Variants in CCDC148 observed in about 807,000 individuals in gnomAD.
The protein encoded by CCDC148 is coiled-coil domain-containing protein 148.
Under a neutral mutation model 85.7 loss-of-function variants are expected in CCDC148, and 89 were observed. That is an observed-to-expected ratio of 1.04 (90% CI 0.87 to 1.24). The LOEUF is 1.24. Ranked by LOEUF, CCDC148 falls within the 50% of genes most tolerant of loss-of-function variation. The pLI, the probability that CCDC148 is intolerant of heterozygous loss-of-function variation, is 0.00. For missense variants in CCDC148, 692 were observed against 671.7 expected, an observed-to-expected ratio of 1.03 and a Z score of -0.33; for synonymous variants, 230 against 213.9, an observed-to-expected ratio of 1.08 and a Z score of -0.66.
intron 11 of CCDC148, among the ~76,000 whole-genome samples, chr2:158,209,457 T>G (rs1686436271): frequency 6.6e-6 from 1 of 152,214 alleles, no homozygotes; most frequent in Non-Finnish European, 1.5e-5. Flanking sequence ...TGCCTCCATA[T>G]CACTCACAAA....
intron 10 of CCDC148, among the ~76,000 whole-genome samples, chr2:158,229,155 TC>T: frequency 6.6e-6 from 1 of 152,174 alleles, no homozygotes; most frequent in East Asian, 1.9e-4. Flanking sequence ...CTAGGGAACT[TC>T]CTCTTCCTCC....
chr2:158,191,373 C>A (rs1159634744), intron 11 of CCDC148, among the ~76,000 whole-genome samples: 1 of 151,866 alleles, frequency 6.6e-6, no homozygotes, highest in Non-Finnish European at 1.5e-5. Context: ...AGAAGTAAAC[C>A]TTGATTTTCT....
intron 1 of CCDC148, among the ~76,000 whole-genome samples, chr2:158,389,129 T>C (rs1320286908): frequency 6.6e-6 from 1 of 152,146 alleles, no homozygotes; most frequent in African/African-American, 2.4e-5. Flanking sequence ...TCCTTAAAAA[T>C]TACGTTTGAA....
chr2:158,284,689 T>A (rs950732582), intron 9 of CCDC148, among the ~76,000 whole-genome samples: 1 of 152,210 alleles, frequency 6.6e-6, no homozygotes, highest in East Asian at 1.9e-4. Context: ...AGCATGTTCA[T>A]TGGAAGAGGC....
intron 1 of CCDC148, among the ~76,000 whole-genome samples, chr2:158,371,692 G>A (rs536377660): frequency 4.4e-4 from 65 of 146,742 alleles, no homozygotes; most frequent in African/African-American, 1.2e-3. Context: ...ATATACACAC[G>A]TGCCTTTAAT....
rs1469704640 is a variant in CCDC148, at chr2:158,227,619, G to A, written c.1252-6906C>T. 2.2e-4 allele frequency among the ~76,000 whole-genome samples: 33 copies of A among 152,126 alleles called. No homozygotes were observed. In the Middle Eastern group the frequency reaches 0.014, roughly 63 times the overall value. Reference sequence around the variant, plus strand: ...GGTACCAAAACAGAGATATAGATCAGTGGAACAGAACAGAGCCCTCAGAAA... The same window carrying A: ...GGTACCAAAACAGAGATATAGATCAATGGAACAGAACAGAGCCCTCAGAAA... On this transcript the variant is annotated intron_variant, in intron 10 of 13. Transcript: ENST00000283233.
chr2:158,366,570 A>G (rs1004381467), intron 1 of CCDC148, among the ~76,000 whole-genome samples: 4 of 152,182 alleles, frequency 2.6e-5, no homozygotes, highest in Non-Finnish European at 5.9e-5. Context: ...AGCTGCAGAG[A>G]AGAGCCTCGT....
intron 11 of CCDC148, among the ~76,000 whole-genome samples, chr2:158,196,043 C>A (rs1040988913): frequency 3.3e-5 from 5 of 152,146 alleles, no homozygotes; most frequent in African/African-American, 1.2e-4. Context: ...TGCCTGTAAA[C>A]CCCAGTCATA....
chr2:158,395,608 C>T (rs1685488783), intron 1 of CCDC148, among the ~76,000 whole-genome samples: 1 of 152,084 alleles, frequency 6.6e-6, no homozygotes, highest in Non-Finnish European at 1.5e-5. Flanking sequence ...GAAAGTCATG[C>T]TGAACAACAT....
chr2:158,308,975 T>C (rs1691832698), intron 9 of CCDC148, among the ~76,000 whole-genome samples: 1 of 152,204 alleles, frequency 6.6e-6, no homozygotes, highest in African/African-American at 2.4e-5. Context: ...AACACTTCGC[T>C]GAGGACTCAC....
chr2:158,360,159 A>T (rs191340834), intron 1 of CCDC148, among the ~76,000 whole-genome samples: 52 of 152,314 alleles, frequency 3.4e-4, no homozygotes, highest in Non-Finnish European at 5.7e-4. Flanking sequence ...TCTCTGAACA[A>T]TAGGCAGCAG....
intron 1 of CCDC148, among the ~76,000 whole-genome samples, chr2:158,396,465 A>G (rs571120696): frequency 6.6e-6 from 1 of 152,032 alleles, no homozygotes; most frequent in African/African-American, 2.4e-5. Context: ...CTGTCCACCA[A>G]CTTTCACTTC....
At chr2:158,206,330 C>T (rs1469751693) in intron 11 of CCDC148, among the ~76,000 whole-genome samples, 1 of 152,126 alleles carries the variant, frequency 6.6e-6, no homozygotes, top group Admixed American at 6.5e-5. Context: ...CACAGACAGG[C>T]AGCTCCCACT....
At chr2:158,291,029 T>C (rs902214076) in intron 9 of CCDC148, among the ~76,000 whole-genome samples, 1 of 152,020 alleles carries the variant, frequency 6.6e-6, no homozygotes, top group Non-Finnish European at 1.5e-5. Context: ...ACGATGGCAA[T>C]AGAAACCTGA....
Position 158,210,787 on chromosome 2 carries a change from CAA to C in CCDC148, c.1370+9806_1370+9807del, listed in dbSNP as rs34273946. Among the ~76,000 whole-genome samples the C allele has an allele frequency of 2.9e-3, 257 of 89,450 alleles. 1 individual carries two copies. Among genetic ancestry groups the C allele is most frequent in the East Asian group, 0.011 (38 of 3,324 alleles). 58.7% of individuals were successfully genotyped at this position (89,450 alleles called of 152,430 possible). ...TGAAACCGTGTCTCTACTAAAAATA[CAA>C]AAAAAAAAAAAAAAAAAAAATTAGC... On this transcript the variant is annotated intron_variant, in intron 11 of 13. Transcript: ENST00000283233.
chr2:158,225,487 A>G lies in CCDC148; in HGVS notation c.1252-4774T>C, dbSNP rs901705372. ...ACATCTACAGAACTCTCCACCCCAA[A>G]TCAACAGAATATACATTCTTCTCAG... On this transcript the variant is annotated intron_variant, in intron 10 of 13. Coordinates refer to ENST00000283233, the MANE Select transcript of CCDC148 (RefSeq NM_138803.4). 4.6e-5 allele frequency among the ~76,000 whole-genome samples: 7 copies of G among 152,276 alleles called. No individual in the cohort carries two copies. The East Asian group carries it at 9.7e-4, about 21-fold the overall frequency.
intron 11 of CCDC148, among the ~76,000 whole-genome samples, chr2:158,193,390 A>T (rs533752864): frequency 9.2e-5 from 14 of 152,238 alleles, no homozygotes; most frequent in African/African-American, 3.4e-4. Flanking sequence ...CTATTCTGAG[A>T]CTGCTCCAAC....
intron 11 of CCDC148, among the ~76,000 whole-genome samples, chr2:158,215,083 GT>G (rs1686777717): frequency 6.6e-6 from 1 of 152,096 alleles, no homozygotes; most frequent in Non-Finnish European, 1.5e-5. Context: ...ACATAGATCA[GT>G]TTTTAATCTA....
intron 9 of CCDC148, among the ~76,000 whole-genome samples, chr2:158,279,325 T>C (rs1041560590): frequency 1.5e-4 from 23 of 152,114 alleles, no homozygotes; most frequent in Admixed American, 7.9e-4. Flanking sequence ...ACGATCAAAC[T>C]ACGAGCTACA....
Sources: gnomAD v4.1 joint callset for allele counts (sites outside exome capture counted in the v4.1 genomes callset) on GRCh38, gnomAD v4.1.1 for gene constraint, MANE v1.5 for transcripts, NCBI Gene and HGNC (gene_info 2026-07-23, HGNC 2026-07-21) for gene names.